PCBP3: variants seen among roughly 807,000 people sequenced by gnomAD.
The protein encoded by PCBP3 is poly(rC)-binding protein 3.
In PCBP3, 25 loss-of-function variants were observed where a neutral mutation model predicts 52.7. That is an observed-to-expected ratio of 0.47 (90% CI 0.35 to 0.66). The LOEUF (loss-of-function observed/expected upper bound fraction) is 0.66, where lower values mean the gene tolerates loss of function less well. Among genes scored for constraint, PCBP3 ranks in the 30% least tolerant of loss-of-function variants. The pLI is 0.01. For missense variants in PCBP3, 391 were observed against 490.3 expected (o/e 0.80, Z 1.91); for synonymous variants, 162 against 183.0 (o/e 0.89, Z 0.93).
At chr21:45,794,171 G>T (rs55792054) in intron 4 of PCBP3, among the ~76,000 whole-genome samples, 164 of 152,272 alleles carry the variant, frequency 1.1e-3, no homozygotes, top group African/African-American at 2.0e-3. Context: ...ACTCACGCCC[G>T]TAGTATAGAA....
intron 4 of PCBP3, among the ~76,000 whole-genome samples, chr21:45,801,400 G>C (rs1045790440): frequency 6.6e-6 from 1 of 152,260 alleles, no homozygotes; most frequent in Non-Finnish European, 1.5e-5. Context: ...GCCCCTGGGT[G>C]CACAAGGAGC....
intron 4 of PCBP3, among the ~76,000 whole-genome samples, chr21:45,838,605 T>C (rs966966601): frequency 6.6e-6 from 1 of 152,208 alleles, no homozygotes; most frequent in Admixed American, 6.5e-5. Flanking sequence ...AACTTAAAAA[T>C]TTAAAACTTA....
chr21:45,847,141 G>A (rs891325990), intron 4 of PCBP3, among the ~76,000 whole-genome samples: 5 of 151,994 alleles, frequency 3.3e-5, no homozygotes, highest in Admixed American at 6.6e-5. Context: ...GAAGGTCTGT[G>A]TTTTGTTCTG....
chr21:45,939,681 C>A (rs1452928905), intron 16 of PCBP3, among the ~76,000 whole-genome samples: 1 of 152,244 alleles, frequency 6.6e-6, no homozygotes, highest in Non-Finnish European at 1.5e-5. Context: ...CTGCTGGCTG[C>A]CACCTGTGGG....
At chr21:45,839,338 A>AT (rs1292163817) in intron 4 of PCBP3, among the ~76,000 whole-genome samples, 1 of 152,166 alleles carries the variant, frequency 6.6e-6, no homozygotes, top group African/African-American at 2.4e-5. Flanking sequence ...TAATGGTTAC[A>AT]TATTATCCTG....
intron 2 of PCBP3, among the ~76,000 whole-genome samples, chr21:45,727,007 A>G (rs2085096427): frequency 6.6e-6 from 1 of 152,212 alleles, no homozygotes; most frequent in Non-Finnish European, 1.5e-5. Context: ...TGACTTGAAG[A>G]TGAAAAGTTT....
chr21:45,755,521 G>A (rs369932775), intron 4 of PCBP3, among the ~76,000 whole-genome samples, 69 bp downstream of exon 4: 14 of 152,224 alleles, frequency 9.2e-5, no homozygotes, highest in Non-Finnish European at 1.8e-4. Context: ...GCACCAGTCA[G>A]TGTACATTCC....
At chr21:45,782,323 G>T (rs2090700901) in intron 4 of PCBP3, among the ~76,000 whole-genome samples, 1 of 152,144 alleles carries the variant, frequency 6.6e-6, no homozygotes. Context: ...TATATGAAAA[G>T]ATGGAGAATT....
At chr21:45,834,160 G>A (rs911425412) in intron 4 of PCBP3, among the ~76,000 whole-genome samples, 7 of 152,134 alleles carry the variant, frequency 4.6e-5, no homozygotes, top group East Asian at 1.9e-4. Flanking sequence ...CTGGGTCTAC[G>A]TGGAAGTTGT....
intron 5 of PCBP3, among the ~76,000 whole-genome samples, chr21:45,885,234 G>A (rs1250897403): frequency 1.3e-5 from 2 of 152,040 alleles, no homozygotes; most frequent in Non-Finnish European, 2.9e-5. Context: ...CCTGGCCTCC[G>A]TGCTTCTCGC....
chr21:45,788,415 G>C lies in PCBP3; in HGVS notation c.-126+32963G>C, dbSNP rs576945600. On this transcript the variant is annotated intron_variant, in intron 4 of 17. Transcript: ENST00000681687. The surrounding 1 kb of genome is among the most constrained non-coding windows in gnomAD (Gnocchi z 4.3). ...ACCCCTGCTGGTGACCTGCCTGCCC[G>C]GCCCCGTTCTGTTCCAGATGATGGC... 3.3e-5 allele frequency: 5 copies of C among 152,798 alleles called. No homozygotes were observed. Among genetic ancestry groups the C allele is most frequent in the Admixed American group, 1.3e-4 (2 of 15,280 alleles). The allele number at this position is 152,798 out of a possible 1,614,324, so 9.5% of individuals were successfully genotyped here.
At chr21:45,762,009 C>G (rs1191835326) in intron 4 of PCBP3, 1 of 152,244 alleles carries the variant, frequency 6.6e-6, no homozygotes, top group Non-Finnish European at 1.5e-5. Context: ...GTTTTCGTTG[C>G]AATTGTTTCT....
rs2096133877 is a variant in PCBP3, at chr21:45,904,001, C to T, written c.339+2888C>T. On this transcript the variant is annotated intron_variant, in intron 9 of 17. Coordinates refer to ENST00000681687, the MANE Select transcript of PCBP3 (RefSeq NM_001384156.1). This position sits in a 1 kb window ranked among gnomAD's most constrained non-coding sequence, Gnocchi z 4.8. ...GATTTGTTAGCAATACTTGTAAGACCCCTTGCAATGAGTTTAGAGAAACAG... is the reference window on the plus strand; with the variant it reads ...GATTTGTTAGCAATACTTGTAAGACTCCTTGCAATGAGTTTAGAGAAACAG... Among the ~76,000 whole-genome samples, 3 of 152,122 alleles carry T rather than the reference C, an allele frequency of 2.0e-5. No homozygotes were observed. In the South Asian group the frequency reaches 6.2e-4, roughly 31 times the overall value.
At chr21:45,730,756 C>A (rs1024804246) in intron 2 of PCBP3, among the ~76,000 whole-genome samples, 9 of 152,034 alleles carry the variant, frequency 5.9e-5, no homozygotes, top group Non-Finnish European at 8.8e-5. Flanking sequence ...GATAAACTGA[C>A]CCCTTAATTA....
chr21:45,875,329 G>T (rs1380575645), intron 5 of PCBP3, among the ~76,000 whole-genome samples: 1 of 152,214 alleles, frequency 6.6e-6, no homozygotes, highest in Non-Finnish European at 1.5e-5. Context: ...ACATGTGCTG[G>T]CAGCTGTTCC....
At chr21:45,692,592 A>G (rs946682909) in intron 2 of PCBP3, among the ~76,000 whole-genome samples, 2 of 152,202 alleles carry the variant, frequency 1.3e-5, no homozygotes, top group Admixed American at 6.5e-5. Context: ...ATTAAAGCTC[A>G]TTCAAAAAGA....
Position 45,800,520 on chromosome 21 carries a change from C to T in PCBP3, c.-126+45068C>T, listed in dbSNP as rs2092256366. 6.6e-6 allele frequency among the ~76,000 whole-genome samples: 1 copy of T among 152,176 alleles called. No individual in the cohort carries two copies. On this transcript the variant is annotated intron_variant, in intron 4 of 17. Coordinates refer to ENST00000681687, the MANE Select transcript of PCBP3 (RefSeq NM_001384156.1). The surrounding 1 kb of genome is among the most constrained non-coding windows in gnomAD (Gnocchi z 5.3). ...GTGTGTGCCTGACCTGACCCTGAGGCCCCCTCCCTGCCATGCCTCTAACCC... is the reference window on the plus strand; with the variant it reads ...GTGTGTGCCTGACCTGACCCTGAGGTCCCCTCCCTGCCATGCCTCTAACCC...
intron 14 of PCBP3, among the ~76,000 whole-genome samples, chr21:45,930,208 T>C (rs2149491897): frequency 6.6e-6 from 1 of 152,246 alleles, no homozygotes; most frequent in South Asian, 2.1e-4. Context: ...TGGGGGCTGG[T>C]TCACCTTACA....
chr21:45,887,619 G>A (rs1176343046), intron 5 of PCBP3, among the ~76,000 whole-genome samples: 1 of 152,250 alleles, frequency 6.6e-6, no homozygotes, highest in East Asian at 1.9e-4. Context: ...TGCACACGTT[G>A]GTGTTGGTTT....
Sources: allele counts gnomAD v4.1 joint callset (sites outside exome capture counted in the v4.1 genomes callset), GRCh38; gene constraint gnomAD v4.1.1; non-coding constraint Gnocchi (gnomAD v3.1); transcripts MANE v1.5; gene names NCBI Gene and HGNC (gene_info 2026-07-23, HGNC 2026-07-21).